Variants in TSTD1 observed in about 807,000 individuals in gnomAD.
TSTD1 encodes thiosulfate sulfurtransferase like domain containing 1, also known as thiosulfate:glutathione sulfurtransferase.
Under a neutral mutation model 12.6 loss-of-function variants are expected in TSTD1, and 7 were observed. The observed-to-expected ratio is 0.55, with a 90% confidence interval of 0.32 to 1.04. The LOEUF is 1.04. TSTD1 is among the 50% of genes least tolerant of loss of function. TSTD1 has a pLI of 0.05. For missense variants in TSTD1, 156 were observed against 151.0 expected (o/e 1.03, Z -0.17); for synonymous variants, 73 against 59.7 (o/e 1.22, Z -1.03).
rs1000080464 is a variant in TSTD1 at position 161,038,710 on chromosome 1, G to A, written c.11-37C>T. The A allele has an allele frequency of 5.2e-6, 8 of 1,530,460 alleles. No homozygotes were observed. In the Admixed American group the frequency reaches 6.0e-5, roughly 11 times the overall value. The allele number at this position is 1,530,460 out of a possible 1,614,324, so 94.8% of individuals were successfully genotyped here. Reference sequence around the variant, plus strand: ...GCGCGACAGCCTTCAGGAAGAGGGGGCCTAGGAGTCACGGCCGCCATGGCA... The same window carrying A: ...GCGCGACAGCCTTCAGGAAGAGGGGACCTAGGAGTCACGGCCGCCATGGCA... On this transcript the variant is annotated intron_variant, in intron 1 of 3. Coordinates refer to ENST00000423014, the MANE Select transcript of TSTD1 (RefSeq NM_001113207.2).
In TSTD1 at chr1:161,038,566, C is replaced by A. The variant is rs1378308563; in HGVS notation, c.118G>T (p.Ala40Ser). Residue 40 changes from alanine to serine, a missense_variant, in exon 2 of 4, where the codon GCG becomes TCG. Ala to Ser is a moderately conservative substitution (Grantham distance 99). Transcript: ENST00000423014. ...EEAAAGTIPG[A>S]LNIPVSELES... is the part of the protein sequence containing the mutation. ...CACCCTATACCCGGGATGTTGAGCG[C>A]CCCTGGGATGGTCCCAGCTGCCGCC... The A allele has an allele frequency of 7.7e-6, 12 of 1,549,134 alleles. No homozygotes were observed. In the Admixed American group the frequency reaches 2.4e-4, roughly 30 times the overall value.
In TSTD1 at chr1:161,038,890, G is replaced by A. The variant is rs1156518264; in HGVS notation, c.-1C>T. On this transcript the variant is annotated 5_prime_UTR_variant, in exon 1 of 4. Transcript: ENST00000423014. ...ATCCCCCGCAGGTACCTCCAGCCAT[G>A]GTGCGCGTAGCAACCGCGAGTCTCC... The A allele has an allele frequency of 2.6e-6, 4 of 1,550,770 alleles. No individual in the cohort carries two copies. In the East Asian group the frequency reaches 7.3e-5, roughly 28 times the overall value.
chr1:161,038,198 C>G, intron 2 of TSTD1, 123 bp from the exon 3 acceptor site: 1 of 947,290 alleles, frequency 1.1e-6, no homozygotes, highest in South Asian at 1.7e-5. Context: ...CCCCTACCCC[C>G]ACCCCAATTT....
rs771145332 is a variant in TSTD1 at position 161,037,813 on chromosome 1, C to A, written c.310G>T (p.Ala104Ser). The change falls in exon 4 of 4, where the codon GCT becomes TCT. Residue 104 changes from alanine (A) to serine (S), a missense_variant. Coordinates refer to ENST00000423014, the MANE Select transcript of TSTD1 (RefSeq NM_001113207.2). ...TCCAACCATTCTCTATAGGCTCCAG[C>A]GTAGTTGCGAGCCCTGTGGAGACAA... ...SLGYTGARNY[A>S]GAYREWLEKE... 2 of 1,551,732 alleles carry A rather than the reference C, an allele frequency of 1.3e-6. No homozygotes were observed. The highest frequency in any genetic ancestry group is 1.7e-6 in the Non-Finnish European group (2 of 1,146,990).
At chr1:161,038,784 C>T in intron 1 of TSTD1, 96 bp downstream of exon 1, 2 of 1,520,820 alleles carry the variant, frequency 1.3e-6, no homozygotes, top group South Asian at 1.2e-5. Context: ...ACGAAGACCC[C>T]TCAGCCACGC....
intron 2 of TSTD1, 101 bp from the exon 3 acceptor site, chr1:161,038,176 T>C: frequency 1.7e-6 from 2 of 1,157,256 alleles, no homozygotes; most frequent in Non-Finnish European, 2.4e-6. Context: ...CCAAACAACA[T>C]ATGATAACCA....
At chr1:161,038,408 G>A (rs1650319836) in intron 2 of TSTD1, 143 bp downstream of exon 2, 2 of 1,038,592 alleles carry the variant, frequency 1.9e-6, no homozygotes, top group Non-Finnish European at 1.4e-6. Context: ...TCCTTCCTAC[G>A]GAAGCTGAGG....
intron 2 of TSTD1, 122 bp from the exon 3 acceptor site, chr1:161,038,197 C>A: frequency 2.1e-6 from 2 of 947,592 alleles, no homozygotes; most frequent in Non-Finnish European, 3.1e-6. Context: ...TCCCCTACCC[C>A]CACCCCAATT....
intron 2 of TSTD1, 187 bp from the exon 3 acceptor site, chr1:161,038,262 G>A: frequency 4.2e-6 from 3 of 711,448 alleles, no homozygotes; most frequent in South Asian, 3.9e-5. Context: ...AAGCTGTGAG[G>A]AGGCGGGGCG....
Position 161,037,908 on chromosome 1 carries a change from C to T in TSTD1, c.296+5G>A, listed in dbSNP as rs555742415. 11 of 1,551,874 alleles carry T rather than the reference C, an allele frequency of 7.1e-6. No individual in the cohort carries two copies. Among genetic ancestry groups the T allele is most frequent in the African/African-American group, 2.7e-5 (2 of 73,194 alleles). Reference sequence around the variant, plus strand: ...CTCCCAGCTAGCAGCCACACCTCCCCGTACCCAGTGTATCCAAGACTCCGG... The same window carrying T: ...CTCCCAGCTAGCAGCCACACCTCCCTGTACCCAGTGTATCCAAGACTCCGG... On this transcript the variant is annotated splice_donor_5th_base_variant and intron_variant, in intron 3 of 3. Coordinates refer to ENST00000423014, the MANE Select transcript of TSTD1 (RefSeq NM_001113207.2).
At chr1:161,038,162 GC>G in intron 2 of TSTD1, 87 bp from the exon 3 acceptor site, 3 of 1,372,130 alleles carry the variant, frequency 2.2e-6, no homozygotes, top group Non-Finnish European at 3.0e-6. Context: ...GGTCCTGGGG[GC>G]CCCCAAACAA....
chr1:161,038,202 C>A (rs1650308090), intron 2 of TSTD1, 127 bp from the exon 3 acceptor site: 1 of 942,142 alleles, frequency 1.1e-6, no homozygotes, highest in African/African-American at 1.7e-5. Context: ...TACCCCCACC[C>A]CAATTTCAAG....
At position 161,038,125 on chromosome 1, in the gene TSTD1, G is replaced by A. The variant is rs974506684; in HGVS notation, c.134-50C>T. ...GGAAAGCCAGCAATTTGGCACTCAG[G>A]TTCGGAAGCTGGGCCTGGAAGGGCT... On this transcript the variant is annotated intron_variant, in intron 2 of 3. Coordinates refer to ENST00000423014, the MANE Select transcript of TSTD1 (RefSeq NM_001113207.2). The A allele has an allele frequency of 5.9e-6, 9 of 1,532,572 alleles. No homozygotes were observed. The Admixed American group carries it at 1.0e-4, about 17-fold the overall frequency. The allele number at this position is 1,532,572 out of a possible 1,614,324, so 94.9% of individuals were successfully genotyped here.
In TSTD1 at chr1:161,038,919, G is replaced by C. The variant is rs890100829; in HGVS notation, c.-30C>G. On this transcript the variant is annotated 5_prime_UTR_variant, in exon 1 of 4. Transcript: ENST00000423014. ...CGCGTAGCAACCGCGAGTCTCCGGA[G>C]TGCGGCCCTGGCCCGCCCTCTCGGC... The C allele has an allele frequency of 6.4e-7, 1 of 1,550,506 alleles. No homozygotes were observed. Among genetic ancestry groups the C allele is most frequent in the South Asian group, 1.2e-5 (1 of 84,032 alleles).
At position 161,038,916 on chromosome 1, in the gene TSTD1, G is replaced by T; in HGVS notation, c.-27C>A. 1 of 1,550,650 alleles carries T rather than the reference G, an allele frequency of 6.4e-7. No individual in the cohort carries two copies. The highest frequency in any genetic ancestry group is 2.0e-5 in the Admixed American group (1 of 50,986). On this transcript the variant is annotated 5_prime_UTR_variant, in exon 1 of 4. Coordinates refer to ENST00000423014, the MANE Select transcript of TSTD1 (RefSeq NM_001113207.2). ...GTGCGCGTAGCAACCGCGAGTCTCC[G>T]GAGTGCGGCCCTGGCCCGCCCTCTC...
chr1:161,038,535 C>G lies in TSTD1; in HGVS notation c.133+16G>C. On this transcript the variant is annotated intron_variant, in intron 2 of 3. Transcript: ENST00000423014. Reference sequence around the variant, plus strand: ...TCTCTATTCCACCACCTGGGCGTCCCCTCTCCACCCTATACCCGGGATGTT... The same window carrying G: ...TCTCTATTCCACCACCTGGGCGTCCGCTCTCCACCCTATACCCGGGATGTT... 6.5e-7 allele frequency: 1 copy of G among 1,526,938 alleles called. No individual in the cohort carries two copies. The highest frequency in any genetic ancestry group is 8.9e-7 in the Non-Finnish European group (1 of 1,129,060). 94.6% of individuals were successfully genotyped at this position (1,526,938 alleles called of 1,614,324 possible).
chr1:161,038,204 A>G, intron 2 of TSTD1, 129 bp from the exon 3 acceptor site: 1 of 927,662 alleles, frequency 1.1e-6, no homozygotes, highest in Non-Finnish European at 1.6e-6. Context: ...CCCCCACCCC[A>G]ATTTCAAGGA....
chr1:161,038,718 G>C, intron 1 of TSTD1, 45 bp from the exon 2 acceptor site: 1 of 1,528,232 alleles, frequency 6.5e-7, no homozygotes, highest in Non-Finnish European at 8.9e-7. Flanking sequence ...GGGCCTAGGA[G>C]TCACGGCCGC....
chr1:161,038,174 CAT>C lies in TSTD1; in HGVS notation c.134-101_134-100del. On this transcript the variant is annotated intron_variant, in intron 2 of 3. Transcript: ENST00000423014. The stretch of plus-strand genomic sequence containing the variant: ...CTGGGTCCTGGGGGCCCCCAAACAA[CAT>C]ATGATAACCATCCCCTACCCCCACC... 5.1e-6 allele frequency: 6 copies of C among 1,186,790 alleles called. No homozygotes were observed. In the South Asian group the frequency reaches 6.1e-5, roughly 12 times the overall value. The allele number at this position is 1,186,790 out of a possible 1,614,324, so 73.5% of individuals were successfully genotyped here. A position where few individuals can be genotyped will look rare whatever the true frequency, so the allele number is the denominator to read the frequency against.
Sources: allele counts gnomAD v4.1 joint callset, GRCh38; gene constraint gnomAD v4.1.1; transcripts MANE v1.5; gene names NCBI Gene and HGNC (gene_info 2026-07-23, HGNC 2026-07-21).